The following HERC1 variants were observed in gnomAD, a reference collection of about 807,000 sequenced individuals.
HERC1 encodes the protein probable E3 ubiquitin-protein ligase HERC1.
Under a neutral mutation model 554.3 loss-of-function variants are expected in HERC1, and 160 were observed. The observed-to-expected ratio is 0.29, with a 90% CI of 0.25 to 0.33. The LOEUF is 0.33. Among genes scored for constraint, HERC1 ranks in the 10% least tolerant of loss-of-function variants. The probability of loss-of-function intolerance (pLI) is 1.00; values close to 1 mark genes in which losing one functional copy is unlikely to be tolerated. For synonymous variants in HERC1, 2,175 were observed against 2,131.7 expected (o/e 1.02, Z -0.56); for missense variants, 4,919 against 5,918.5 (o/e 0.83, Z 5.54).
chr15:63,643,991 C>T (rs923222686), intron 57 of HERC1, among the ~76,000 whole-genome samples: 1 of 152,204 alleles, frequency 6.6e-6, no homozygotes, highest in Admixed American at 6.5e-5. Context: ...GTCTGTCACA[C>T]ATTTGTTCTG....
At chr15:63,710,569 T>C (rs549197343) in intron 24 of HERC1, among the ~76,000 whole-genome samples, 1 of 152,166 alleles carries the variant, frequency 6.6e-6, no homozygotes, top group Non-Finnish European at 1.5e-5. Flanking sequence ...TATTCTAATG[T>C]AGACTAAGAC....
chr15:63,714,262 C>T (rs906451644), intron 22 of HERC1, among the ~76,000 whole-genome samples: 3 of 151,706 alleles, frequency 2.0e-5, no homozygotes, highest in African/African-American at 7.3e-5. Context: ...TTTCCCCTTC[C>T]AAAGTCCATA....
chr15:63,829,479 A>ATATATATATATAT (rs1555455605), intron 1 of HERC1, among the ~76,000 whole-genome samples: 37 of 87,598 alleles, frequency 4.2e-4, no homozygotes, highest in Middle Eastern at 6.3e-3. Flanking sequence ...TGTTTATATA[A>ATATATATATATAT]ATATATATAT....
chr15:63,688,258 G>C (rs529881562), intron 33 of HERC1, among the ~76,000 whole-genome samples: 1 of 152,304 alleles, frequency 6.6e-6, no homozygotes, highest in East Asian at 1.9e-4. Flanking sequence ...TGTATGGATA[G>C]AGAAATGGGG....
In HERC1 at chr15:63,694,666, A is replaced by G. The variant is rs1271596386; in HGVS notation, c.5242+108T>C. On this transcript the variant is annotated intron_variant, in intron 28 of 77. Coordinates refer to ENST00000443617, the MANE Select transcript of HERC1 (RefSeq NM_003922.4). The surrounding 1 kb of genome is among the most constrained non-coding windows in gnomAD (Gnocchi z 4.3). ...ACACTAAATTATTTATTCTTTACCT[A>G]TAAGTTTATCTACTAATGTTAAACA... 4.0e-6 allele frequency: 6 copies of G among 1,486,980 alleles called. No individual in the cohort carries two copies. The highest frequency in any genetic ancestry group is 1.7e-4 in the Middle Eastern group (1 of 5,736). The allele number at this position is 1,486,980 out of a possible 1,614,324, so 92.1% of individuals were successfully genotyped here.
At chr15:63,738,332 G>C (rs1052711707) in intron 12 of HERC1, among the ~76,000 whole-genome samples, 3 of 152,066 alleles carry the variant, frequency 2.0e-5, no homozygotes, top group Admixed American at 6.6e-5. Flanking sequence ...AGCAATATGG[G>C]ATCCCAAATA....
chr15:63,703,089 T>C (rs1199009024), intron 25 of HERC1, among the ~76,000 whole-genome samples: 1 of 135,306 alleles, frequency 7.4e-6, no homozygotes, highest in Non-Finnish European at 1.5e-5. Context: ...CAGCCTGGGC[T>C]ACAGAGCGAG....
chr15:63,700,283 G>A (rs2072645630), intron 25 of HERC1, among the ~76,000 whole-genome samples: 1 of 151,738 alleles, frequency 6.6e-6, no homozygotes, highest in South Asian at 2.1e-4. Flanking sequence ...TTTGATTGCT[G>A]TATAACATCC....
At chr15:63,807,209 T>C (rs1217598209) in intron 1 of HERC1, among the ~76,000 whole-genome samples, 1 of 152,226 alleles carries the variant, frequency 6.6e-6, no homozygotes, top group Non-Finnish European at 1.5e-5. Context: ...GCCTATTCTC[T>C]ACCCTTCAAG....
chr15:63,631,787 C>T (rs1164882007), intron 68 of HERC1, among the ~76,000 whole-genome samples: 2 of 152,172 alleles, frequency 1.3e-5, no homozygotes, highest in African/African-American at 2.4e-5. Flanking sequence ...GTGATCCACC[C>T]GCCTCGGCCT....
intron 65 of HERC1, 119 bp downstream of exon 65, chr15:63,635,842 C>G (rs766758478): frequency 1.1e-5 from 12 of 1,085,138 alleles, no homozygotes; most frequent in African/African-American, 1.6e-5. Context: ...ACCAATGGAT[C>G]TCTTATAATT....
At chr15:63,665,828 A>G (rs1388134519) in intron 42 of HERC1, 91 bp downstream of exon 42, 31 of 895,916 alleles carry the variant, frequency 3.5e-5, no homozygotes, top group Non-Finnish European at 5.2e-5. Context: ...AACTTTACAT[A>G]CAATTAGAAG....
At chr15:63,688,533 G>A (rs1323894820) in intron 33 of HERC1, among the ~76,000 whole-genome samples, 1 of 152,130 alleles carries the variant, frequency 6.6e-6, no homozygotes, top group Non-Finnish European at 1.5e-5. Context: ...GAAGAAATGT[G>A]GATTAATGAG....
chr15:63,671,774 T>C (rs1356600905), intron 39 of HERC1, among the ~76,000 whole-genome samples: 1 of 152,048 alleles, frequency 6.6e-6, no homozygotes, highest in Non-Finnish European at 1.5e-5. Flanking sequence ...GTCTACACAG[T>C]GAAAATCGTA....
At chr15:63,711,314 CA>C (rs111884935) in intron 24 of HERC1, among the ~76,000 whole-genome samples, 40,703 of 150,758 alleles carry the variant, frequency 0.27, 6,070 homozygotes, top group Middle Eastern at 0.38. Context: ...TATCCTGTCT[CA>C]AAAAAAAGGG....
chr15:63,786,473 C>T (rs1457722402), intron 1 of HERC1, among the ~76,000 whole-genome samples: 1 of 151,842 alleles, frequency 6.6e-6, no homozygotes, highest in Admixed American at 6.6e-5. Flanking sequence ...GAGCATTACT[C>T]GTAATAGCCA....
intron 12 of HERC1, among the ~76,000 whole-genome samples, chr15:63,746,512 T>C (rs1396742415): frequency 1.3e-5 from 2 of 152,212 alleles, no homozygotes; most frequent in Non-Finnish European, 2.9e-5. Context: ...CTGACCTTTC[T>C]CTCCTTAGCT....
At chr15:63,807,176 T>C (rs910403870) in intron 1 of HERC1, among the ~76,000 whole-genome samples, 1 of 152,200 alleles carries the variant, frequency 6.6e-6, no homozygotes, top group Non-Finnish European at 1.5e-5. Flanking sequence ...ATTCTCTATT[T>C]GCCCCCAACC....
chr15:63,632,523 G>C, intron 68 of HERC1, 186 bp downstream of exon 68: 1 of 674,036 alleles, frequency 1.5e-6, no homozygotes, highest in Middle Eastern at 3.9e-4. Flanking sequence ...ATGGGGAGGG[G>C]AGTTTGTCTT....
Sources: allele counts gnomAD v4.1 joint callset (sites outside exome capture counted in the v4.1 genomes callset), GRCh38; gene constraint gnomAD v4.1.1; non-coding constraint Gnocchi (gnomAD v3.1); transcripts MANE v1.5; gene names NCBI Gene and HGNC (gene_info 2026-07-23, HGNC 2026-07-21).